Variants in PHF19 observed in about 807,000 individuals in gnomAD.
PHF19 encodes the protein polycomb like 3.
In PHF19, 21 loss-of-function variants were observed where a neutral mutation model predicts 79.8. That is an observed-to-expected ratio of 0.26 (90% confidence interval 0.19 to 0.38). PHF19 has a LOEUF of 0.38. Among genes scored for constraint, PHF19 ranks in the 10% least tolerant of loss-of-function variants. The pLI, the probability that PHF19 is intolerant of heterozygous loss-of-function variation, is 1.00. For synonymous variants in PHF19, 273 were observed against 296.3 expected (o/e 0.92, Z 0.81); for missense variants, 445 against 744.2 (o/e 0.60, Z 4.68).
chr9:120,863,705 A>C (rs536403588), intron 10 of PHF19, among the ~76,000 whole-genome samples: 8 of 152,162 alleles, frequency 5.3e-5, no homozygotes, highest in Non-Finnish European at 1.2e-4. Context: ...GGGCTGAGGG[A>C]TGTCTTCCAC....
At position 120,877,033 on chromosome 9, in the gene PHF19, G is replaced by A. The variant is rs114359938; in HGVS notation, c.-16+58C>T. The A allele has an allele frequency of 5.0e-3, 4,974 of 985,532 alleles. 183 individuals carry two copies. In the African/African-American group the frequency reaches 0.081, roughly 16 times the overall value. 61.0% of individuals were successfully genotyped at this position (985,532 alleles called of 1,614,324 possible). ...TTCAGGGAGATTTCGAAAAGAGAGG[G>A]ATGAGGGCCGGGAGGGGAGAGCGTG... On this transcript the variant is annotated intron_variant, in intron 1 of 14. Coordinates refer to ENST00000373896, the MANE Select transcript of PHF19 (RefSeq NM_015651.3).
intron 3 of PHF19, among the ~76,000 whole-genome samples, chr9:120,871,150 G>A (rs1195737572): frequency 6.6e-6 from 1 of 152,190 alleles, no homozygotes; most frequent in Non-Finnish European, 1.5e-5. Flanking sequence ...TGATCCACCT[G>A]CCTTGGCCTC....
At chr9:120,872,955 A>T (rs2045947623) in intron 3 of PHF19, among the ~76,000 whole-genome samples, 1 of 152,004 alleles carries the variant, frequency 6.6e-6, no homozygotes, top group Non-Finnish European at 1.5e-5. Flanking sequence ...CTTCTCTAAA[A>T]CCAATAGTAC....
rs41302653 is a variant in PHF19, at chr9:120,856,319, G to A, written c.*1625C>T. On this transcript the variant is annotated 3_prime_UTR_variant, in exon 15 of 15. Transcript: ENST00000373896. ...AAACTATCTCAGGGACCCCCTGAAC[G>A]CTCACAGGTAGAGAGGGGTCAGGCC... 1.2e-3 allele frequency: 184 copies of A among 152,824 alleles called. No homozygotes were observed. Among genetic ancestry groups the A allele is most frequent in the South Asian group, 7.2e-3 (35 of 4,828 alleles). The allele number at this position is 152,824 out of a possible 1,614,324, so 9.5% of individuals were successfully genotyped here. A position where few individuals can be genotyped will look rare whatever the true frequency, so the allele number is the denominator to read the frequency against.
intron 6 of PHF19, among the ~76,000 whole-genome samples, chr9:120,868,018 C>T (rs1275924556): frequency 6.6e-6 from 1 of 151,746 alleles, no homozygotes; most frequent in Non-Finnish European, 1.5e-5. Flanking sequence ...ACATAGCATG[C>T]CCCGCCCCCC....
rs1044681724 is a variant in PHF19, at chr9:120,860,291, C to A, written c.1305-106G>T. On this transcript the variant is annotated intron_variant, in intron 13 of 14. Coordinates refer to ENST00000373896, the MANE Select transcript of PHF19 (RefSeq NM_015651.3). The surrounding 1 kb of genome is among the most constrained non-coding windows in gnomAD (Gnocchi z 4.1). Reference sequence around the variant, plus strand: ...ATGCATCCTTCATCCCAGTGGAGGCCCGTCTTCCCACAGCTGAGCTTCCCA... The same window carrying A: ...ATGCATCCTTCATCCCAGTGGAGGCACGTCTTCCCACAGCTGAGCTTCCCA... 4 of 677,938 alleles carry A rather than the reference C, an allele frequency of 5.9e-6. No homozygotes were observed. In the African/African-American group the frequency reaches 7.1e-5, roughly 12 times the overall value. The allele number at this position is 677,938 out of a possible 1,614,324, so 42.0% of individuals were successfully genotyped here. A position where few individuals can be genotyped will look rare whatever the true frequency, so the allele number is the denominator to read the frequency against.
In PHF19 at chr9:120,869,432, A is replaced by T; in HGVS notation, c.466-102T>A. 2 of 1,384,448 alleles carry T rather than the reference A, an allele frequency of 1.4e-6. No individual in the cohort carries two copies. The highest frequency in any genetic ancestry group is 2.4e-5 in the East Asian group (1 of 41,068). 85.8% of individuals were successfully genotyped at this position (1,384,448 alleles called of 1,614,324 possible). A position where few individuals can be genotyped will look rare whatever the true frequency, so the allele number is the denominator to read the frequency against. On this transcript the variant is annotated intron_variant, in intron 5 of 14. Coordinates refer to ENST00000373896, the MANE Select transcript of PHF19 (RefSeq NM_015651.3). This position sits in a 1 kb window ranked among gnomAD's most constrained non-coding sequence, Gnocchi z 5.8. ...GGGAAGTGCTGCCAGGGCTTGGGGG[A>T]CCCGCAGATATTCCAATATAGTCAG...
In PHF19 at chr9:120,870,421, G is replaced by GGGCCCTGAGAA; in HGVS notation, c.364+21_364+22insTTCTCAGGGCC. ...GGACCTATAGGTCGGGGCCTTCTCA[G>GGGCCCTGAGAA]GGCCCTGCTCGCTCCACTCACCCAG... On this transcript the variant is annotated intron_variant, in intron 4 of 14. Transcript: ENST00000373896. The surrounding 1 kb of genome is among the most constrained non-coding windows in gnomAD (Gnocchi z 4.4). The GGGCCCTGAGAA allele has an allele frequency of 6.6e-7, 1 of 1,515,464 alleles. No homozygotes were observed. The allele number at this position is 1,515,464 out of a possible 1,614,324, so 93.9% of individuals were successfully genotyped here.
chr9:120,880,799 A>C (rs563673582), upstream of PHF19, among the ~76,000 whole-genome samples: 1 of 151,922 alleles, frequency 6.6e-6, no homozygotes, highest in Non-Finnish European at 1.5e-5. Flanking sequence ...ATCTCTACTA[A>C]AAATACAAAA....
chr9:120,863,806 G>A (rs2045611579), intron 10 of PHF19, among the ~76,000 whole-genome samples: 1 of 152,228 alleles, frequency 6.6e-6, no homozygotes, highest in Non-Finnish European at 1.5e-5. Context: ...GGCCCTCAGA[G>A]AGCAGGGGTG....
In PHF19 at chr9:120,870,637, C is replaced by T. The variant is rs553701432; in HGVS notation, c.269-99G>A. 5.3e-5 allele frequency: 38 copies of T among 723,742 alleles called. No homozygotes were observed. The highest frequency in any genetic ancestry group is 1.2e-4 in the Admixed American group (6 of 49,178). 44.8% of individuals were successfully genotyped at this position (723,742 alleles called of 1,614,324 possible). A position where few individuals can be genotyped will look rare whatever the true frequency, so the allele number is the denominator to read the frequency against. ...AGCCTCTAATGTCTGCTAGGCCTAG[C>T]GCTGGGCCCCACATGCCACCTCACT... On this transcript the variant is annotated intron_variant, in intron 3 of 14. Coordinates refer to ENST00000373896, the MANE Select transcript of PHF19 (RefSeq NM_015651.3). This position sits in a 1 kb window ranked among gnomAD's most constrained non-coding sequence, Gnocchi z 4.4.
chr9:120,869,247 G>T lies in PHF19; in HGVS notation c.549C>A (p.Leu183=). Residue 183 remains leucine, a synonymous_variant, in exon 6 of 15, where the codon CTC becomes CTA. Transcript: ENST00000373896. The surrounding 1 kb of genome is among the most constrained non-coding windows in gnomAD (Gnocchi z 5.8). ...KMVLSYQPEE[L]EWDSPHRTNQ... ...TGGTGCGATGGGGCGAGTCCCACTC[G>T]AGCTCCTCGGGCTGGTAGGACAGCA... 1 of 1,612,588 alleles carries T rather than the reference G, an allele frequency of 6.2e-7. No individual in the cohort carries two copies. The highest frequency in any genetic ancestry group is 8.5e-7 in the Non-Finnish European group (1 of 1,179,586).
Position 120,872,037 on chromosome 9 carries a change from C to CAAAAAAAAAGAAAAAAAAAAAAAA in PHF19, c.269-1500_269-1499insTTTTTTTTTTTTTTCTTTTTTTTT, listed in dbSNP as rs2045912428. Among the ~76,000 whole-genome samples, 122 of 30,316 alleles carry CAAAAAAAAAGAAAAAAAAAAAAAA rather than the reference C, an allele frequency of 4.0e-3. 11 individuals carry two copies. The highest frequency in any genetic ancestry group is 5.4e-3 in the Non-Finnish European group (99 of 18,282). 19.9% of individuals were successfully genotyped at this position (30,316 alleles called of 152,430 possible). On this transcript the variant is annotated intron_variant, in intron 3 of 14. Coordinates refer to ENST00000373896, the MANE Select transcript of PHF19 (RefSeq NM_015651.3). Reference sequence around the variant, plus strand: ...TGGGTGACAGAGCAAGACTCTGTCTCAAAAAAAAAAAAAAAAAAAAAAAAA... The same window carrying CAAAAAAAAAGAAAAAAAAAAAAAA: ...TGGGTGACAGAGCAAGACTCTGTCTCAAAAAAAAAGAAAAAAAAAAAAAAAAAAAAAAAAAAAAAAAAAAAAAAA...
rs1483873051 is a variant in PHF19 at position 120,874,617 on chromosome 9, T to C, written c.125A>G (p.Glu42Gly). 6.2e-7 allele frequency: 1 copy of C among 1,613,792 alleles called. No individual in the cohort carries two copies. The highest frequency in any genetic ancestry group is 1.3e-5 in the African/African-American group (1 of 74,916). The change falls in exon 2 of 15, where the codon GAG becomes GGG. Residue 42 changes from glutamate (E) to glycine (G), a missense_variant. Glu to Gly is a moderately conservative substitution (Grantham distance 98). Coordinates refer to ENST00000373896, the MANE Select transcript of PHF19 (RefSeq NM_015651.3). This position sits in a 1 kb window ranked among gnomAD's most constrained non-coding sequence, Gnocchi z 4.5. ...NFKDLMSKLT[E>G]GQYVLCRWTD... ...CCACCGGCACAGCACATACTGGCCC[T>C]CCGTCAGTTTGGACATCAAGTCTTT...
At chr9:120,873,937 C>CT (rs761475514) in intron 3 of PHF19, 42 bp downstream of exon 3, 50 of 965,206 alleles carry the variant, frequency 5.2e-5, no homozygotes, top group Non-Finnish European at 8.1e-5. Context: ...GAGAGAAGAC[C>CT]TGGGGAGGTT....
chr9:120,862,601 TTCCTC>T lies in PHF19; in HGVS notation c.1112_1116del (p.Arg371LysfsTer20). 6.2e-7 allele frequency: 1 copy of T among 1,613,728 alleles called. No individual in the cohort carries two copies. Among genetic ancestry groups the T allele is most frequent in the Non-Finnish European group, 8.5e-7 (1 of 1,179,954 alleles). ...CCGAGCACTGACCCAGGCTTGCTCT[TTCCTC>T]TCTTACGCAGCTCAGAGGAGGCGCT... On this transcript the variant is annotated frameshift_variant, in exon 11 of 15. Coordinates refer to ENST00000373896, the MANE Select transcript of PHF19 (RefSeq NM_015651.3). LOFTEE classifies it high-confidence loss of function. This position sits in a 1 kb window ranked among gnomAD's most constrained non-coding sequence, Gnocchi z 4.6.
the PHF19 span, chr9:120,903,106 C>T: frequency 2.6e-5 from 4 of 152,204 alleles, no homozygotes; most frequent in African/African-American, 9.7e-5. Context: ...ACCCATCACT[C>T]GCTAGGCCAG....
At chr9:120,885,231 C>A (rs148152263) in intron 1 of PHF19, among the ~76,000 whole-genome samples, 69 of 152,138 alleles carry the variant, frequency 4.5e-4, no homozygotes, top group Middle Eastern at 6.8e-3. Flanking sequence ...ATGGAGGGAA[C>A]CTTCCAAGTC....
At chr9:120,894,400 C>T (rs2046378525) in intron 1 of PHF19, among the ~76,000 whole-genome samples, 1 of 152,098 alleles carries the variant, frequency 6.6e-6, no homozygotes, top group Admixed American at 6.5e-5. Context: ...CTGTCTGCGG[C>T]GGAGACTCAC....
Sources: allele counts gnomAD v4.1 joint callset (sites outside exome capture counted in the v4.1 genomes callset), GRCh38; gene constraint gnomAD v4.1.1; non-coding constraint Gnocchi (gnomAD v3.1); transcripts MANE v1.5; gene names NCBI Gene and HGNC (gene_info 2026-07-23, HGNC 2026-07-21).